Variants in NUP210L observed in about 807,000 individuals in gnomAD.
NUP210L encodes nuclear pore membrane glycoprotein 210-like.
Under a neutral mutation model 208.5 loss-of-function variants are expected in NUP210L, and 74 were observed. The observed-to-expected ratio is 0.35, with a 90% confidence interval of 0.29 to 0.43. NUP210L has a LOEUF of 0.43. NUP210L is among the 20% of genes least tolerant of loss of function. The pLI is 1.00. For synonymous variants in NUP210L, 780 were observed against 816.9 expected, an observed-to-expected ratio of 0.95 and a Z score of 0.77; for missense variants, 1,843 against 2,289.4, an observed-to-expected ratio of 0.81 and a Z score of 3.98.
chr1:154,005,233 T>G (rs943846059), intron 35 of NUP210L, among the ~76,000 whole-genome samples: 1 of 151,946 alleles, frequency 6.6e-6, no homozygotes, highest in Non-Finnish European at 1.5e-5. Context: ...ATTTATTTAT[T>G]TTTTTGAGAT....
At chr1:154,050,330 T>G (rs1653416651) in intron 25 of NUP210L, among the ~76,000 whole-genome samples, 1 of 152,188 alleles carries the variant, frequency 6.6e-6, no homozygotes, top group East Asian at 1.9e-4. Flanking sequence ...GAGATCCTAG[T>G]CTCACTAGCC....
intron 16 of NUP210L, among the ~76,000 whole-genome samples, chr1:154,086,500 T>A (rs1257116649): frequency 2.0e-5 from 3 of 152,096 alleles, no homozygotes; most frequent in African/African-American, 7.2e-5. Flanking sequence ...AAAACTTTTG[T>A]GCTTCAAAAG....
intron 27 of NUP210L, among the ~76,000 whole-genome samples, chr1:154,036,707 T>G (rs1472097099): frequency 2.6e-5 from 4 of 151,492 alleles, no homozygotes; most frequent in African/African-American, 9.7e-5. Context: ...GCTTTGTTGC[T>G]CAGGCTGGAG....
At position 154,017,468 on chromosome 1, in the gene NUP210L, A is replaced by G. The variant is rs558799847; in HGVS notation, c.4653+1465T>C. The stretch of plus-strand genomic sequence containing the variant: ...ATACTTTCTTCATTTGCCTTCCAGG[A>G]TACACATATCTCTAGATTTTCCTCC... On this transcript the variant is annotated intron_variant, in intron 33 of 39. Transcript: ENST00000368559. Among the ~76,000 whole-genome samples the G allele has an allele frequency of 2.3e-4, 35 of 151,098 alleles. 1 individual carries two copies. The South Asian group carries it at 6.9e-3, about 30-fold the overall frequency.
At chr1:154,080,740 G>T (rs895930311) in intron 16 of NUP210L, among the ~76,000 whole-genome samples, 1 of 151,762 alleles carries the variant, frequency 6.6e-6, no homozygotes, top group Non-Finnish European at 1.5e-5. Context: ...GGGAGGCCAA[G>T]GCAGGTAAAT....
intron 16 of NUP210L, among the ~76,000 whole-genome samples, chr1:154,076,261 G>C (rs964286890): frequency 6.6e-6 from 1 of 151,658 alleles, no homozygotes; most frequent in Non-Finnish European, 1.5e-5. Flanking sequence ...GTGCCACCAC[G>C]CCCGGCTAAT....
chr1:153,994,308 AG>A (rs1649691038), intron 38 of NUP210L, among the ~76,000 whole-genome samples: 2 of 152,020 alleles, frequency 1.3e-5, no homozygotes, highest in Admixed American at 1.3e-4. Flanking sequence ...GCTTCTTGGT[AG>A]TAAGTTGAGG....
chr1:154,044,593 AT>A (rs750049484), intron 27 of NUP210L, among the ~76,000 whole-genome samples: 2 of 151,362 alleles, frequency 1.3e-5, no homozygotes, highest in Non-Finnish European at 1.5e-5. Context: ...AAGATTACAA[AT>A]TTTTTTTTAC....
At chr1:154,127,471 AC>A in intron 8 of NUP210L, 54 bp from the exon 9 acceptor site, 1 of 842,780 alleles carries the variant, frequency 1.2e-6, no homozygotes, top group Non-Finnish European at 1.9e-6. Context: ...TTTTTCTACA[AC>A]GAATTTAAAA....
intron 16 of NUP210L, among the ~76,000 whole-genome samples, chr1:154,081,950 C>T (rs11265036): frequency 0.26 from 38,856 of 152,050 alleles, 5,485 homozygotes; most frequent in Admixed American, 0.37. Flanking sequence ...CCATTGCACT[C>T]AGCCTGGGCA....
intron 7 of NUP210L, among the ~76,000 whole-genome samples, chr1:154,130,865 A>G (rs1483243025): frequency 1.3e-5 from 2 of 151,912 alleles, no homozygotes; most frequent in Admixed American, 6.6e-5. Context: ...GGTTACATGC[A>G]TGAGCCACTG....
intron 31 of NUP210L, 142 bp downstream of exon 31, chr1:154,022,980 T>A: frequency 1.2e-6 from 1 of 843,144 alleles, no homozygotes; most frequent in Non-Finnish European, 1.8e-6. Flanking sequence ...CTGGCCTCAC[T>A]TAAAAAAATT....
chr1:154,027,070 G>A (rs577434349), intron 29 of NUP210L, among the ~76,000 whole-genome samples: 186 of 120,786 alleles, frequency 1.5e-3, no homozygotes, highest in African/African-American at 5.2e-3. Context: ...GCAACAGAGC[G>A]AGACTGTCTC....
At chr1:154,016,270 AG>A (rs1298859094) in intron 33 of NUP210L, among the ~76,000 whole-genome samples, 1 of 152,034 alleles carries the variant, frequency 6.6e-6, no homozygotes, top group Non-Finnish European at 1.5e-5. Context: ...GAAAAAAAAA[AG>A]ATGAGAAGTG....
chr1:154,068,072 T>C (rs567707833), intron 17 of NUP210L, among the ~76,000 whole-genome samples: 36 of 152,112 alleles, frequency 2.4e-4, no homozygotes, highest in African/African-American at 8.4e-4. Flanking sequence ...CAATGACTTT[T>C]TTCACAGAAT....
intron 28 of NUP210L, among the ~76,000 whole-genome samples, chr1:154,029,222 C>G (rs1431868614): frequency 2.1e-5 from 3 of 142,380 alleles, no homozygotes; most frequent in Admixed American, 7.0e-5. Context: ...ACTAAAAATA[C>G]AAAAAATTAG....
rs553512184 is a variant in NUP210L at position 154,017,519 on chromosome 1, CT to C, written c.4653+1413del. 3.4e-3 allele frequency among the ~76,000 whole-genome samples: 430 copies of C among 127,946 alleles called. 1 individual carries two copies. The highest frequency in any genetic ancestry group is 8.3e-3 in the African/African-American group (283 of 34,156). The allele number at this position is 127,946 out of a possible 152,430, so 83.9% of individuals were successfully genotyped here. A position where few individuals can be genotyped will look rare whatever the true frequency, so the allele number is the denominator to read the frequency against. ...CATTTCACTGGTTGTTTCTTTCTTT[CT>C]TTTTTTTTTTTTTTTTGAGAGAGTC... is the stretch of plus-strand genomic sequence containing the variant. On this transcript the variant is annotated intron_variant, in intron 33 of 39. Transcript: ENST00000368559.
At chr1:154,053,226 T>C (rs182967555) in intron 25 of NUP210L, among the ~76,000 whole-genome samples, 116 of 152,338 alleles carry the variant, frequency 7.6e-4, no homozygotes, top group African/African-American at 2.2e-3. Context: ...TGCAGACAGA[T>C]TAGCAGCTAG....
At chr1:154,066,132 A>G (rs1235964729) in intron 17 of NUP210L, among the ~76,000 whole-genome samples, 1 of 152,174 alleles carries the variant, frequency 6.6e-6, no homozygotes, top group Non-Finnish European at 1.5e-5. Context: ...AGTAGTGGGT[A>G]GAGGGAAATT....
Sources: allele counts gnomAD v4.1 joint callset (sites outside exome capture counted in the v4.1 genomes callset), GRCh38; gene constraint gnomAD v4.1.1; transcripts MANE v1.5; gene names NCBI Gene and HGNC (gene_info 2026-07-23, HGNC 2026-07-21).